The following RIMS2 variants were observed in gnomAD, a reference collection of about 807,000 sequenced individuals.
The protein encoded by RIMS2 is regulating synaptic membrane exocytosis protein 2.
In RIMS2, 59 loss-of-function variants were observed where a neutral mutation model predicts 174.4. The ratio of observed to expected loss-of-function variants is 0.34; its 90% CI spans 0.27 to 0.42. RIMS2 has a LOEUF of 0.42. Ranked by LOEUF, RIMS2 falls within the 10% of genes least tolerant of loss-of-function variation. The pLI, the probability that RIMS2 is intolerant of heterozygous loss-of-function variation, is 1.00. For missense variants in RIMS2, 1,620 were observed against 1,666.3 expected (o/e 0.97, Z 0.48); for synonymous variants, 606 against 572.5 (o/e 1.06, Z -0.84).
Position 103,712,713 on chromosome 8 carries a change from A to G in RIMS2, c.387+15417A>G, listed in dbSNP as rs933608402. Among the ~76,000 whole-genome samples the G allele has an allele frequency of 2.6e-5, 4 of 152,240 alleles. 1 individual carries two copies. The highest frequency in any genetic ancestry group is 9.6e-5 in the African/African-American group (4 of 41,466). On this transcript the variant is annotated intron_variant, in intron 2 of 23. Coordinates refer to ENST00000504942, the Ensembl canonical transcript of RIMS2. ...ACTGCAGGATGGTAAAACAGACTGTAGATACAGAAACACAAAGGAAATGGA... is the reference window on the plus strand; with the variant it reads ...ACTGCAGGATGGTAAAACAGACTGTGGATACAGAAACACAAAGGAAATGGA...
At chr8:104,145,215 T>C (rs2098624568) in intron 19 of RIMS2, among the ~76,000 whole-genome samples, 1 of 152,190 alleles carries the variant, frequency 6.6e-6, no homozygotes, top group Non-Finnish European at 1.5e-5. Context: ...TTATGATAAA[T>C]TGTAAAGTTG....
chr8:103,811,787 G>A (rs1333277206), intron 3 of RIMS2, among the ~76,000 whole-genome samples: 2 of 152,200 alleles, frequency 1.3e-5, no homozygotes, highest in African/African-American at 2.4e-5. Context: ...TGCAAAACCT[G>A]CTTTTGCACT....
chr8:104,082,386 C>T (rs1227823885), intron 19 of RIMS2, among the ~76,000 whole-genome samples: 2 of 151,890 alleles, frequency 1.3e-5, no homozygotes, highest in Non-Finnish European at 2.9e-5. Flanking sequence ...TAAAAATACA[C>T]GTACAAAGGA....
chr8:103,913,277 C>T (rs2076074790), intron 6 of RIMS2, among the ~76,000 whole-genome samples: 1 of 151,594 alleles, frequency 6.6e-6, no homozygotes, highest in Non-Finnish European at 1.5e-5. Context: ...TGCGCTCAGC[C>T]CAAAAAATTT....
intron 1 of RIMS2, among the ~76,000 whole-genome samples, chr8:103,689,496 C>G (rs1262429423): frequency 1.3e-5 from 2 of 152,140 alleles, no homozygotes; most frequent in Non-Finnish European, 2.9e-5. Flanking sequence ...CTATCTCTCT[C>G]TTTAGCTCTA....
intron 10 of RIMS2, among the ~76,000 whole-genome samples, chr8:103,925,497 T>A (rs1230652815): frequency 6.6e-6 from 1 of 151,538 alleles, no homozygotes; most frequent in Non-Finnish European, 1.5e-5. Flanking sequence ...AAGTATTGTA[T>A]GAAAGGAATG....
chr8:104,207,647 AAC>A (rs2099086693), intron 19 of RIMS2, among the ~76,000 whole-genome samples: 1 of 151,596 alleles, frequency 6.6e-6, no homozygotes. Flanking sequence ...CTCTACTAAA[AAC>A]ACACACACAC....
At chr8:104,105,327 C>A (rs1200236851) in intron 19 of RIMS2, among the ~76,000 whole-genome samples, 1 of 151,968 alleles carries the variant, frequency 6.6e-6, no homozygotes, top group Non-Finnish European at 1.5e-5. Flanking sequence ...ATATTACAAC[C>A]TAGGAAGAAG....
At chr8:103,603,683 T>C (rs1156975355) in intron 1 of RIMS2, among the ~76,000 whole-genome samples, 8 of 142,846 alleles carry the variant, frequency 5.6e-5, no homozygotes, top group East Asian at 4.1e-4. Flanking sequence ...TTTTAATGAT[T>C]GCCATTCTAA....
chr8:103,960,193 C>T (rs1409390627), intron 14 of RIMS2, among the ~76,000 whole-genome samples: 1 of 152,084 alleles, frequency 6.6e-6, no homozygotes. Flanking sequence ...CAAATAACAA[C>T]GTTTGTTTTT....
chr8:104,186,469 A>G (rs894587873), intron 19 of RIMS2, among the ~76,000 whole-genome samples: 1 of 151,780 alleles, frequency 6.6e-6, no homozygotes, highest in Non-Finnish European at 1.5e-5. Context: ...TAGCTAAAAT[A>G]TTTCTACTAC....
At chr8:104,199,776 C>G (rs2099045046) in intron 19 of RIMS2, among the ~76,000 whole-genome samples, 1 of 152,100 alleles carries the variant, frequency 6.6e-6, no homozygotes, top group Non-Finnish European at 1.5e-5. Context: ...TCCGTATATG[C>G]AAGGCTGCTG....
chr8:104,097,222 A>G (rs1447409803), intron 19 of RIMS2, among the ~76,000 whole-genome samples: 1 of 152,226 alleles, frequency 6.6e-6, no homozygotes, highest in Non-Finnish European at 1.5e-5. Flanking sequence ...ATAATGAGAT[A>G]TATTGAGGAT....
At chr8:103,993,610 T>A (rs2094872863) in intron 17 of RIMS2, among the ~76,000 whole-genome samples, 1 of 152,232 alleles carries the variant, frequency 6.6e-6, no homozygotes, top group African/African-American at 2.4e-5. Flanking sequence ...AAATTCACTT[T>A]ACAAAAATAA....
intron 19 of RIMS2, among the ~76,000 whole-genome samples, chr8:104,239,610 G>A (rs997133680): frequency 1.3e-5 from 2 of 151,832 alleles, no homozygotes; most frequent in Admixed American, 6.6e-5. Flanking sequence ...TTAAAATAAT[G>A]GTTAAGTTTT....
At chr8:103,546,557 A>G (rs1683328961) in intron 1 of RIMS2, among the ~76,000 whole-genome samples, 2 of 152,168 alleles carry the variant, frequency 1.3e-5, no homozygotes, top group South Asian at 4.1e-4. Flanking sequence ...AGAACTCTTC[A>G]CCCAAAACCA....
At chr8:104,146,862 A>T (rs1055789864) in intron 19 of RIMS2, among the ~76,000 whole-genome samples, 1 of 151,870 alleles carries the variant, frequency 6.6e-6, no homozygotes, top group African/African-American at 2.4e-5. Flanking sequence ...ATGCCTGGCT[A>T]ATTTTTTACT....
chr8:103,620,153 T>A (rs1296212897), intron 1 of RIMS2, among the ~76,000 whole-genome samples: 2 of 152,160 alleles, frequency 1.3e-5, no homozygotes, highest in Non-Finnish European at 2.9e-5. Flanking sequence ...AATGCTGAAA[T>A]AATTTCCATA....
intron 1 of RIMS2, among the ~76,000 whole-genome samples, chr8:103,527,299 C>A (rs1834524186): frequency 6.6e-6 from 1 of 152,156 alleles, no homozygotes; most frequent in Admixed American, 6.5e-5. Context: ...CTTGCAGATA[C>A]CCAAATCTGT....
Sources: allele counts gnomAD v4.1 joint callset (sites outside exome capture counted in the v4.1 genomes callset), GRCh38; gene constraint gnomAD v4.1.1; transcripts MANE v1.5; gene names NCBI Gene and HGNC (gene_info 2026-07-23, HGNC 2026-07-21).